Variants in CFAP45 observed in about 807,000 individuals in gnomAD.
CFAP45 encodes cilia- and flagella-associated protein 45.
A neutral mutation model predicts 75.6 loss-of-function variants in CFAP45; 43 were observed. The observed-to-expected ratio is 0.57, with a 90% CI of 0.45 to 0.73. The LOEUF is 0.73. CFAP45 is among the 30% of genes least tolerant of loss of function. CFAP45 has a pLI of 0.00. For missense variants in CFAP45, 689 were observed against 701.5 expected (o/e 0.98, Z 0.20); for synonymous variants, 223 against 244.6 (o/e 0.91, Z 0.82).
At chr1:159,890,336 CAAACAAAAAGGGGA>C in intron 3 of CFAP45, 130 bp downstream of exon 3, 1 of 758,792 alleles carries the variant, frequency 1.3e-6, no homozygotes, top group South Asian at 1.7e-5. Flanking sequence ...AAAGAACTAT[CAAACAAAAAGGGGA>C]AAACGAATAG....
intron 10 of CFAP45, among the ~76,000 whole-genome samples, chr1:159,874,804 A>G (rs1235850438): frequency 6.6e-6 from 1 of 152,216 alleles, no homozygotes; most frequent in African/African-American, 2.4e-5. Flanking sequence ...ATCACAATCT[A>G]GGAAGTGAAG....
rs111982097 is a variant in CFAP45 at position 159,890,466 on chromosome 1, G to T, written c.272+14C>A. On this transcript the variant is annotated intron_variant, in intron 3 of 11. Coordinates refer to ENST00000368099, the MANE Select transcript of CFAP45 (RefSeq NM_012337.3). Reference sequence around the variant, plus strand: ...GAGGACTGGACATAGAAGGGCAGGGGACGGTGTACTCACATGAGTTCTCGG... The same window carrying T: ...GAGGACTGGACATAGAAGGGCAGGGTACGGTGTACTCACATGAGTTCTCGG... 1 of 1,613,676 alleles carries T rather than the reference G, an allele frequency of 6.2e-7. No individual in the cohort carries two copies. The highest frequency in any genetic ancestry group is 1.7e-5 in the Admixed American group (1 of 60,002).
intron 6 of CFAP45, 38 bp from the exon 7 acceptor site, chr1:159,884,603 G>A (rs1649631963): frequency 1.9e-6 from 3 of 1,594,972 alleles, no homozygotes; most frequent in African/African-American, 1.3e-5. Context: ...TAGAAACCCC[G>A]GGTCCACATC....
intron 10 of CFAP45, among the ~76,000 whole-genome samples, chr1:159,875,029 C>A (rs7521729): frequency 0.087 from 13,168 of 152,196 alleles, 741 homozygotes; most frequent in Non-Finnish European, 0.12. Flanking sequence ...GTAAAGACAC[C>A]AAACATGGTG....
At chr1:159,898,179 G>T in intron 1 of CFAP45, 1 of 985,192 alleles carries the variant, frequency 1.0e-6, no homozygotes, top group Non-Finnish European at 1.2e-6. Context: ...TACCAAGAAA[G>T]GGAGATTCCC....
intron 10 of CFAP45, chr1:159,876,243 T>C (rs1378729925): frequency 5.6e-6 from 2 of 358,042 alleles, no homozygotes; most frequent in African/African-American, 4.1e-5. Context: ...CAGGGGCACA[T>C]GGGTCAGAGG....
In CFAP45 at chr1:159,890,510, A is replaced by G; in HGVS notation, c.242T>C (p.Leu81Pro). Residue 81 changes from leucine (L) to proline (P), a missense_variant, in exon 3 of 12, where the codon CTC becomes CCC. Leu to Pro is a moderately conservative substitution (Grantham distance 98, BLOSUM62 -3). Transcript: ENST00000368099. ...TTCTCGGACCATGTCCCGGGTGATGAGCTGGATGGTCTCTGGCTTGCGATC... is the reference window on the plus strand; with the variant it reads ...TTCTCGGACCATGTCCCGGGTGATGGGCTGGATGGTCTCTGGCTTGCGATC... ...GLDRKPETIQLITRDMVRELI... is the reference protein window; with the variant it reads ...GLDRKPETIQPITRDMVRELI... 1 of 1,614,114 alleles carries G rather than the reference A, an allele frequency of 6.2e-7. No homozygotes were observed. Among genetic ancestry groups the G allele is most frequent in the Non-Finnish European group, 8.5e-7 (1 of 1,180,018 alleles).
intron 6 of CFAP45, 64 bp from the exon 7 acceptor site, chr1:159,884,629 TC>T: frequency 6.5e-7 from 1 of 1,531,456 alleles, no homozygotes; most frequent in Non-Finnish European, 8.9e-7. Context: ...GAGTCCAACC[TC>T]CACCTAAACA....
At chr1:159,891,342 T>C (rs948386451) in intron 2 of CFAP45, among the ~76,000 whole-genome samples, 8 of 152,306 alleles carry the variant, frequency 5.3e-5, no homozygotes, top group South Asian at 2.1e-4. Flanking sequence ...TTAAATTCTT[T>C]CTTACGATTA....
At chr1:159,895,183 A>T (rs944535490) in intron 1 of CFAP45, among the ~76,000 whole-genome samples, 1 of 152,198 alleles carries the variant, frequency 6.6e-6, no homozygotes, top group Non-Finnish European at 1.5e-5. Context: ...GTCTATCTCT[A>T]AAAGGTAGTG....
At chr1:159,884,607 C>A in intron 6 of CFAP45, 42 bp from the exon 7 acceptor site, 1 of 1,589,614 alleles carries the variant, frequency 6.3e-7, no homozygotes, top group African/African-American at 1.3e-5. Context: ...AACCCCGGGT[C>A]CACATCTCCC....
rs143964202 is a variant in CFAP45, at chr1:159,884,323, T to C, written c.897+113A>G. 2.1e-5 allele frequency: 23 copies of C among 1,110,946 alleles called. No individual in the cohort carries two copies. In the African/African-American group the frequency reaches 3.3e-4, roughly 16 times the overall value. 68.8% of individuals were successfully genotyped at this position (1,110,946 alleles called of 1,614,324 possible). On this transcript the variant is annotated intron_variant, in intron 7 of 11. Coordinates refer to ENST00000368099, the MANE Select transcript of CFAP45 (RefSeq NM_012337.3). ...TAAAAAGTTGACGGTGATGATGTTG[T>C]GAAATGAGCATGTGCCTGGCAGAAA...
chr1:159,886,794 C>A (rs1382144017), intron 5 of CFAP45, 105 bp from the exon 6 acceptor site: 1 of 852,364 alleles, frequency 1.2e-6, no homozygotes, highest in African/African-American at 1.7e-5. Context: ...TGGAGGTGTG[C>A]ATGACTGCTC....
At position 159,898,812 on chromosome 1, in the gene CFAP45, T is replaced by C. The variant is rs1195074134; in HGVS notation, c.3+1284A>G. ...AAGGTGCTGAGAGAAGATGGGACACTGAATCAAATAGAATACATAAGTGAA... is the reference window on the plus strand; with the variant it reads ...AAGGTGCTGAGAGAAGATGGGACACCGAATCAAATAGAATACATAAGTGAA... On this transcript the variant is annotated intron_variant, in intron 1 of 11. Transcript: ENST00000368099. Among the ~76,000 whole-genome samples, 4 of 152,224 alleles carry C rather than the reference T, an allele frequency of 2.6e-5. No individual in the cohort carries two copies. The South Asian group carries it at 6.2e-4, about 24-fold the overall frequency.
Position 159,900,087 on chromosome 1 carries a change from C to T in CFAP45, c.3+9G>A. ...GGACACAAGGGGCCCATCTGAGGTT[C>T]TCCCTCACCATCTCCTCAGCCACAC... On this transcript the variant is annotated intron_variant, in intron 1 of 11. Transcript: ENST00000368099. 1 of 1,614,120 alleles carries T rather than the reference C, an allele frequency of 6.2e-7. No homozygotes were observed. The highest frequency in any genetic ancestry group is 8.5e-7 in the Non-Finnish European group (1 of 1,179,970).
At chr1:159,879,835 G>A (rs1649506881) in intron 8 of CFAP45, among the ~76,000 whole-genome samples, 3 of 152,062 alleles carry the variant, frequency 2.0e-5, no homozygotes, top group Non-Finnish European at 4.4e-5. Context: ...AAACTAGCAG[G>A]GCAGACAAGA....
intron 6 of CFAP45, among the ~76,000 whole-genome samples, chr1:159,885,200 T>C (rs1381640694): frequency 6.6e-6 from 1 of 152,210 alleles, no homozygotes; most frequent in Non-Finnish European, 1.5e-5. Context: ...GTAAAAGGGT[T>C]ACATGAAAAC....
chr1:159,877,684 C>G (rs919735192), intron 8 of CFAP45, among the ~76,000 whole-genome samples: 1 of 152,094 alleles, frequency 6.6e-6, no homozygotes, highest in Non-Finnish European at 1.5e-5. Flanking sequence ...CATGACCAGC[C>G]TAGGCCACAG....
At chr1:159,879,328 C>T (rs1246797165) in intron 8 of CFAP45, among the ~76,000 whole-genome samples, 1 of 152,166 alleles carries the variant, frequency 6.6e-6, no homozygotes, top group African/African-American at 2.4e-5. Flanking sequence ...TCATCATCCC[C>T]ACCTTCATTC....
Sources: allele counts gnomAD v4.1 joint callset (sites outside exome capture counted in the v4.1 genomes callset), GRCh38; gene constraint gnomAD v4.1.1; transcripts MANE v1.5; gene names NCBI Gene and HGNC (gene_info 2026-07-23, HGNC 2026-07-21).